CIMAP2: variants seen among roughly 807,000 people sequenced by gnomAD.
CIMAP2 encodes ciliary microtubule associated protein 2, also known as ciliary microtubule-associated protein 2.
At chr1:54,815,601 T>C in the CIMAP2 span, among the ~76,000 whole-genome samples, 2 of 152,154 alleles carry the variant, frequency 1.3e-5, no homozygotes, top group Non-Finnish European at 2.9e-5. Flanking sequence ...AAGTGTGCGA[T>C]GTATCTTTAG....
the CIMAP2 span, chr1:54,814,975 C>G: frequency 7.4e-6 from 12 of 1,614,158 alleles, no homozygotes; most frequent in Middle Eastern, 1.7e-4. Context: ...GTCAACCAGC[C>G]CCCATTCCTG....
At chr1:54,835,894 A>AG in the CIMAP2 span, among the ~76,000 whole-genome samples, 23 of 152,254 alleles carry the variant, frequency 1.5e-4, no homozygotes, top group Non-Finnish European at 2.9e-4. Context: ...TGAGAGCAGA[A>AG]GGGAAGGCTC....
chr1:54,828,223 C>G, the CIMAP2 span, among the ~76,000 whole-genome samples: 2 of 152,064 alleles, frequency 1.3e-5, no homozygotes, highest in Non-Finnish European at 2.9e-5. Flanking sequence ...AACCGTAGAG[C>G]TAGGAAGGCA....
At chr1:54,807,908 G>A in the CIMAP2 span, 1 of 1,595,582 alleles carries the variant, frequency 6.3e-7, no homozygotes, top group African/African-American at 1.4e-5. Context: ...CTGGGCCCCG[G>A]CTCCTACAAC....
At chr1:54,820,585 C>T in the CIMAP2 span, among the ~76,000 whole-genome samples, 3 of 152,152 alleles carry the variant, frequency 2.0e-5, no homozygotes, top group Non-Finnish European at 4.4e-5. Context: ...ACATCCTTGC[C>T]AGCATTTGTT....
chr1:54,811,912 C>G, the CIMAP2 span: 1 of 1,614,096 alleles, frequency 6.2e-7, no homozygotes, highest in Non-Finnish European at 8.5e-7. Flanking sequence ...AGCAACAAGC[C>G]ACACCCCCGG....
the CIMAP2 span, chr1:54,811,698 T>C: frequency 7.8e-6 from 11 of 1,405,392 alleles, no homozygotes; most frequent in Non-Finnish European, 1.1e-5. Flanking sequence ...TCCCATTCCC[T>C]TCTTGGGGAT....
chr1:54,819,982 CTCTT>C, the CIMAP2 span, among the ~76,000 whole-genome samples: 1 of 115,158 alleles, frequency 8.7e-6, no homozygotes, highest in Non-Finnish European at 1.7e-5. Context: ...TTCTTTTTCT[CTCTT>C]TCTTCTTTCT....
At chr1:54,823,016 C>T in the CIMAP2 span, among the ~76,000 whole-genome samples, 2 of 152,132 alleles carry the variant, frequency 1.3e-5, no homozygotes, top group Admixed American at 1.3e-4. Flanking sequence ...GGAGAATGTT[C>T]CATGTATTGA....
At chr1:54,823,513 A>C in the CIMAP2 span, among the ~76,000 whole-genome samples, 1 of 152,204 alleles carries the variant, frequency 6.6e-6, no homozygotes, top group African/African-American at 2.4e-5. Flanking sequence ...GTTATCTTCT[A>C]GACAGCAGCC....
chr1:54,812,203 G>A, the CIMAP2 span: 2 of 1,614,132 alleles, frequency 1.2e-6, no homozygotes, highest in Non-Finnish European at 1.7e-6. Flanking sequence ...TGTACCCAGG[G>A]GTTGAAGGGT....
the CIMAP2 span, among the ~76,000 whole-genome samples, chr1:54,840,138 C>T: frequency 6.6e-6 from 1 of 151,042 alleles, no homozygotes; most frequent in Non-Finnish European, 1.5e-5. Context: ...CTTGTGCTAT[C>T]TGTAGTCAGT....
chr1:54,811,514 T>C, the CIMAP2 span, among the ~76,000 whole-genome samples: 1 of 152,026 alleles, frequency 6.6e-6, no homozygotes, highest in African/African-American at 2.4e-5. Context: ...GCCCATTATG[T>C]TGGCCAAAGT....
At chr1:54,807,109 C>A in the CIMAP2 span, 1 of 1,590,328 alleles carries the variant, frequency 6.3e-7, no homozygotes, top group South Asian at 1.1e-5. Context: ...TTCCCTGACT[C>A]CTCCCACAGG....
the CIMAP2 span, among the ~76,000 whole-genome samples, chr1:54,814,152 G>A: frequency 1.4e-4 from 21 of 152,122 alleles, no homozygotes; most frequent in African/African-American, 4.3e-4. Flanking sequence ...TTTGGGCGTC[G>A]GTTTATACCC....
the CIMAP2 span, among the ~76,000 whole-genome samples, chr1:54,816,446 T>C: frequency 6.6e-6 from 1 of 152,202 alleles, no homozygotes. Context: ...GTGACCCCGA[T>C]ATCTGGGTGG....
the CIMAP2 span, chr1:54,815,030 G>A: frequency 1.2e-6 from 2 of 1,614,010 alleles, no homozygotes; most frequent in East Asian, 2.2e-5. Context: ...AGATGATTAT[G>A]GGAAGCTGGG....
At chr1:54,816,947 AGCCAG>A in the CIMAP2 span, 1 of 1,612,616 alleles carries the variant, frequency 6.2e-7, no homozygotes, top group Admixed American at 1.7e-5. Context: ...ACAGTCTCCA[AGCCAG>A]GCTTGCTAAT....
chr1:54,811,773 G>GGGGGGGGGGGGGGGCGCGC, the CIMAP2 span: 1 of 1,325,052 alleles, frequency 7.5e-7, no homozygotes, highest in Non-Finnish European at 1.0e-6. Context: ...CAGCCTCCAT[G>GGGGGGGGGGGGGGGCGCGC]CCCCCACCCC....
Sources: gnomAD v4.1 joint callset for allele counts (sites outside exome capture counted in the v4.1 genomes callset) on GRCh38, gnomAD v4.1.1 for gene constraint, MANE v1.5 for transcripts, NCBI Gene and HGNC (gene_info 2026-07-23, HGNC 2026-07-21) for gene names.